SLC5A1: variants seen among roughly 807,000 people sequenced by gnomAD.
SLC5A1 encodes sodium/glucose cotransporter 1.
SLC5A1 carries 42 observed loss-of-function variants against 73.5 expected under a neutral mutation model. The observed-to-expected ratio is 0.57, with a 90% CI of 0.45 to 0.74. The LOEUF (loss-of-function observed/expected upper bound fraction) is 0.74. SLC5A1 is among the 30% of genes least tolerant of loss of function. The pLI, the probability that SLC5A1 is intolerant of heterozygous loss-of-function variation, is 0.00. For synonymous variants in SLC5A1, 300 were observed against 317.4 expected, an observed-to-expected ratio of 0.95 and a Z score of 0.58; for missense variants, 634 against 855.4, an observed-to-expected ratio of 0.74 and a Z score of 3.23.
chr22:32,104,827 G>A lies in SLC5A1; in HGVS notation c.1707G>A (p.Glu569=). The change falls in exon 14 of 15, where the codon GAG becomes GAA. Residue 569 remains glutamate (E), a synonymous_variant. Transcript: ENST00000266088. ...LCWSLRNSKE[E]RIDLDAEEEN... is the part of the protein sequence containing the mutation. The stretch of plus-strand genomic sequence containing the variant: ...GGAGCCTGCGCAACAGCAAAGAGGA[G>A]CGTATTGACCTGGATGCGGAAGAGG... The A allele has an allele frequency of 1.2e-6, 2 of 1,614,120 alleles. No individual in the cohort carries two copies. The highest frequency in any genetic ancestry group is 1.1e-5 in the South Asian group (1 of 91,082).
At chr22:32,073,554 G>T (rs1200415874) in intron 5 of SLC5A1, among the ~76,000 whole-genome samples, 1 of 151,332 alleles carries the variant, frequency 6.6e-6, no homozygotes, top group African/African-American at 2.4e-5. Flanking sequence ...TGTTTTTTTT[G>T]TTTGTTTGTT....
rs1017027868 is a variant in SLC5A1 at position 32,104,697 on chromosome 22, T to C, written c.1666-89T>C. 4.4e-6 allele frequency: 4 copies of C among 899,348 alleles called. No homozygotes were observed. In the African/African-American group the frequency reaches 6.5e-5, roughly 15 times the overall value. 55.7% of individuals were successfully genotyped at this position (899,348 alleles called of 1,614,324 possible). ...ACTGAGATGCCACATTCCCTTCCCT[T>C]CCTTGATGCATATCTCTTTGCCCCC... On this transcript the variant is annotated intron_variant, in intron 13 of 14. Coordinates refer to ENST00000266088, the MANE Select transcript of SLC5A1 (RefSeq NM_000343.4).
intron 9 of SLC5A1, 46 bp downstream of exon 9, chr22:32,085,081 C>T: frequency 1.2e-6 from 2 of 1,610,730 alleles, no homozygotes; most frequent in South Asian, 1.1e-5. Context: ...CTTTTTCTGT[C>T]TCCAAGTCAC....
intron 3 of SLC5A1, 78 bp from the exon 4 acceptor site, chr22:32,067,889 C>T: frequency 6.8e-7 from 1 of 1,472,492 alleles, no homozygotes; most frequent in Non-Finnish European, 9.5e-7. Flanking sequence ...TTTTCTGCAG[C>T]AGCTGAGGGG....
chr22:32,105,157 T>C (rs778796735), intron 14 of SLC5A1, among the ~76,000 whole-genome samples: 5 of 152,112 alleles, frequency 3.3e-5, no homozygotes, highest in South Asian at 2.1e-4. Context: ...GGTGTATACA[T>C]TTATGAGGTA....
chr22:32,101,347 A>T lies in SLC5A1; in HGVS notation c.1450-675A>T, dbSNP rs772942698. On this transcript the variant is annotated intron_variant, in intron 12 of 14. Coordinates refer to ENST00000266088, the MANE Select transcript of SLC5A1 (RefSeq NM_000343.4). Reference sequence around the variant, plus strand: ...GAGGGAAGGAAGGAAGGAGTAAAAAAAACCCTGAAAAATCATCCCCTCATG... The same window carrying T: ...GAGGGAAGGAAGGAAGGAGTAAAAATAACCCTGAAAAATCATCCCCTCATG... Among the ~76,000 whole-genome samples the T allele has an allele frequency of 6.6e-5, 10 of 152,310 alleles. No individual in the cohort carries two copies. The East Asian group carries it at 1.7e-3, about 26-fold the overall frequency.
Position 32,099,356 on chromosome 22 carries a change from G to C in SLC5A1, c.1449+5G>C. 1.2e-6 allele frequency: 2 copies of C among 1,610,954 alleles called. No individual in the cohort carries two copies. Among genetic ancestry groups the C allele is most frequent in the Non-Finnish European group, 1.7e-6 (2 of 1,178,326 alleles). On this transcript the variant is annotated splice_donor_5th_base_variant and intron_variant, in intron 12 of 14. Coordinates refer to ENST00000266088, the MANE Select transcript of SLC5A1 (RefSeq NM_000343.4). The stretch of plus-strand genomic sequence containing the variant: ...TGGAAGAGAGTCAATGAGCCAGTAG[G>C]TATCATCTGGGCATGTCCAGAAAAG...
At chr22:32,056,185 C>A (rs1394919471) in intron 2 of SLC5A1, among the ~76,000 whole-genome samples, 1 of 152,068 alleles carries the variant, frequency 6.6e-6, no homozygotes, top group African/African-American at 2.4e-5. Flanking sequence ...CCACGCCTGG[C>A]TAATTTTTGA....
intron 5 of SLC5A1, among the ~76,000 whole-genome samples, chr22:32,077,306 C>T (rs920333815): frequency 6.7e-6 from 1 of 149,828 alleles, no homozygotes; most frequent in Admixed American, 6.7e-5. Flanking sequence ...CCCTTTCTTT[C>T]CTTCCTTCCC....
At chr22:32,079,144 A>G (rs76437810) in intron 5 of SLC5A1, among the ~76,000 whole-genome samples, 1 of 150,574 alleles carries the variant, frequency 6.6e-6, no homozygotes, top group African/African-American at 2.4e-5. Flanking sequence ...ACAAACAAAC[A>G]AAAAAAAACA....
chr22:32,061,302 C>T (rs1435771585), intron 2 of SLC5A1, among the ~76,000 whole-genome samples: 1 of 152,048 alleles, frequency 6.6e-6, no homozygotes, highest in African/African-American at 2.4e-5. Flanking sequence ...GTAGTCCCAG[C>T]TACTTGGGAG....
intron 6 of SLC5A1, 105 bp downstream of exon 6, chr22:32,082,076 T>C (rs1569309951): frequency 2.5e-6 from 2 of 789,670 alleles, no homozygotes; most frequent in East Asian, 2.5e-5. Flanking sequence ...TGAGGAGAGA[T>C]ACACTCAGGT....
chr22:32,073,802 G>T (rs779252944), intron 5 of SLC5A1, among the ~76,000 whole-genome samples: 1 of 152,020 alleles, frequency 6.6e-6, no homozygotes, highest in Non-Finnish European at 1.5e-5. Flanking sequence ...CAGATGATCC[G>T]CCCGCTTCGG....
At chr22:32,060,385 G>T (rs1332636164) in intron 2 of SLC5A1, among the ~76,000 whole-genome samples, 1 of 151,932 alleles carries the variant, frequency 6.6e-6, no homozygotes, top group African/African-American at 2.4e-5. Flanking sequence ...GTAGAGATGG[G>T]GTTTCACCAT....
At chr22:32,066,275 TGTCCGTGTG>T (rs2093972895) in intron 2 of SLC5A1, among the ~76,000 whole-genome samples, 1 of 152,226 alleles carries the variant, frequency 6.6e-6, no homozygotes, top group Non-Finnish European at 1.5e-5. Flanking sequence ...TTTGTGCACG[TGTCCGTGTG>T]GTCCCTAGAA....
At chr22:32,050,330 G>C (rs1603102750) in intron 2 of SLC5A1, among the ~76,000 whole-genome samples, 1 of 152,168 alleles carries the variant, frequency 6.6e-6, no homozygotes, top group East Asian at 1.9e-4. Flanking sequence ...ATATCACAGG[G>C]GTCAGAGGCT....
chr22:32,101,117 G>A (rs1179421620), intron 12 of SLC5A1, among the ~76,000 whole-genome samples: 1 of 152,144 alleles, frequency 6.6e-6, no homozygotes, highest in Non-Finnish European at 1.5e-5. Context: ...TGCCATGTGT[G>A]GGGGATAGCT....
intron 10 of SLC5A1, among the ~76,000 whole-genome samples, chr22:32,089,293 C>A (rs1191538989): frequency 1.3e-5 from 2 of 152,052 alleles, no homozygotes; most frequent in African/African-American, 4.8e-5. Flanking sequence ...ATTAAAAAAA[C>A]CTCGCAACAA....
chr22:32,099,465 G>A (rs920881617), intron 12 of SLC5A1, 114 bp downstream of exon 12: 15 of 1,056,528 alleles, frequency 1.4e-5, no homozygotes, highest in South Asian at 5.1e-5. Context: ...GAGCAGACAC[G>A]GATGTGCTGC....
Sources: allele counts gnomAD v4.1 joint callset (sites outside exome capture counted in the v4.1 genomes callset), GRCh38; gene constraint gnomAD v4.1.1; transcripts MANE v1.5; gene names NCBI Gene and HGNC (gene_info 2026-07-23, HGNC 2026-07-21).